LRRTM4: variants seen among roughly 807,000 people sequenced by gnomAD.
LRRTM4 encodes the protein leucine rich repeat transmembrane neuronal 4.
A neutral mutation model predicts 47.6 loss-of-function variants in LRRTM4; 25 were observed. The observed-to-expected ratio is 0.53, with a 90% CI of 0.38 to 0.73. LRRTM4 has a LOEUF of 0.73. LRRTM4 is among the 30% of genes least tolerant of loss of function. The probability of loss-of-function intolerance (pLI) is 0.00; values close to 1 mark genes in which losing one functional copy is unlikely to be tolerated. For missense variants in LRRTM4, 638 were observed against 713.4 expected (o/e 0.89, Z 1.20); for synonymous variants, 311 against 269.5 (o/e 1.15, Z -1.51).
intron 3 of LRRTM4, among the ~76,000 whole-genome samples, chr2:77,027,990 A>T (rs1678513600): frequency 6.6e-6 from 1 of 151,954 alleles, no homozygotes; most frequent in Non-Finnish European, 1.5e-5. Context: ...TTAAAAAAAA[A>T]ACTACAAACT....
chr2:76,931,923 G>A (rs1003715036), intron 3 of LRRTM4, among the ~76,000 whole-genome samples: 26 of 152,056 alleles, frequency 1.7e-4, no homozygotes, highest in African/African-American at 4.8e-4. Context: ...AGAGAAAGGA[G>A]GATGGGCAGA....
chr2:77,468,219 A>T (rs1448339406), intron 3 of LRRTM4, among the ~76,000 whole-genome samples: 2 of 152,086 alleles, frequency 1.3e-5, no homozygotes, highest in African/African-American at 4.8e-5. Context: ...AACCACATCA[A>T]TTATTTATAT....
chr2:76,855,445 A>G (rs917790107), intron 3 of LRRTM4, among the ~76,000 whole-genome samples: 9 of 152,210 alleles, frequency 5.9e-5, no homozygotes, highest in Non-Finnish European at 8.8e-5. Context: ...TTGATAAATA[A>G]TAGATTCATA....
rs1680005575 is a variant in LRRTM4, at chr2:77,067,708, CACACACACATACAT to C, written c.1552-318806_1552-318793del. Among the ~76,000 whole-genome samples, 3 of 151,466 alleles carry C rather than the reference CACACACACATACAT, an allele frequency of 2.0e-5. 1 individual carries two copies. In the South Asian group the frequency reaches 6.3e-4, roughly 32 times the overall value. On this transcript the variant is annotated intron_variant, in intron 3 of 3. Transcript: ENST00000409884. ...ACGTACACACACACACACACACACA[CACACACACATACAT>C]ATTTCAGGAAAAATGAAGAAAACGG... is the stretch of plus-strand genomic sequence containing the variant.
At chr2:76,880,958 G>A (rs1404798417) in intron 3 of LRRTM4, among the ~76,000 whole-genome samples, 2 of 152,088 alleles carry the variant, frequency 1.3e-5, no homozygotes, top group Non-Finnish European at 2.9e-5. Context: ...CAGGGAGTGG[G>A]GGATAGGGAG....
chr2:76,844,289 C>A (rs553646077), intron 3 of LRRTM4, among the ~76,000 whole-genome samples: 1 of 151,804 alleles, frequency 6.6e-6, no homozygotes, highest in African/African-American at 2.4e-5. Context: ...CGCATGCCAC[C>A]ACGCCCGGCT....
intron 3 of LRRTM4, among the ~76,000 whole-genome samples, chr2:77,473,344 A>G (rs1677262507): frequency 6.6e-6 from 1 of 152,196 alleles, no homozygotes; most frequent in Admixed American, 6.6e-5. Context: ...TTTAGGATAA[A>G]TAAGCTCATT....
intron 3 of LRRTM4, among the ~76,000 whole-genome samples, chr2:76,902,107 A>C (rs1470113983): frequency 6.6e-6 from 1 of 152,108 alleles, no homozygotes. Context: ...TAAAATGTGA[A>C]TTTTATGGAA....
intron 3 of LRRTM4, among the ~76,000 whole-genome samples, chr2:77,430,982 T>C (rs888377650): frequency 1.1e-4 from 16 of 148,654 alleles, no homozygotes; most frequent in Non-Finnish European, 2.9e-5. Context: ...TCTCCAGCCA[T>C]TGGACATCCG....
intron 3 of LRRTM4, among the ~76,000 whole-genome samples, chr2:76,927,518 C>G (rs1674625756): frequency 6.6e-6 from 1 of 152,072 alleles, no homozygotes; most frequent in South Asian, 2.1e-4. Context: ...GATGTTGGTT[C>G]TCGGAGCTAC....
intron 3 of LRRTM4, among the ~76,000 whole-genome samples, chr2:77,101,844 A>G (rs536184302): frequency 6.6e-6 from 1 of 152,152 alleles, no homozygotes; most frequent in Non-Finnish European, 1.5e-5. Context: ...AGTTTGTTTA[A>G]TCATGTTGCT....
intron 3 of LRRTM4, among the ~76,000 whole-genome samples, chr2:77,363,288 C>A (rs1672311185): frequency 6.6e-6 from 1 of 151,846 alleles, no homozygotes; most frequent in Non-Finnish European, 1.5e-5. Context: ...TATTTTCAGT[C>A]CTTGGAATTG....
At chr2:77,387,476 G>T (rs1229846568) in intron 3 of LRRTM4, among the ~76,000 whole-genome samples, 2 of 152,042 alleles carry the variant, frequency 1.3e-5, no homozygotes, top group Non-Finnish European at 2.9e-5. Flanking sequence ...ACAAGGCTGG[G>T]GTTTCTTACA....
chr2:76,794,073 A>G (rs1398332211), intron 3 of LRRTM4, among the ~76,000 whole-genome samples: 12 of 152,192 alleles, frequency 7.9e-5, no homozygotes, highest in African/African-American at 2.2e-4. Context: ...GAATTGTAAA[A>G]GCGGTTGTCA....
At chr2:77,261,653 C>T (rs1173983252) in intron 3 of LRRTM4, among the ~76,000 whole-genome samples, 1 of 151,860 alleles carries the variant, frequency 6.6e-6, no homozygotes, top group African/African-American at 2.4e-5. Flanking sequence ...TAACAGGATG[C>T]CTAACAGCAT....
Position 77,519,239 on chromosome 2 carries a change from G to A in LRRTM4, c.630C>T (p.Leu210=), listed in dbSNP as rs756084587. The part of the protein sequence containing the change: ...AFAGLLKLKE[L]HLEHNQFSKI... ...TGGAAAACTGGTTGTGCTCCAGGTG[G>A]AGCTCCTTTAACTTCAAGAGGCCAG... The change falls in exon 3 of 4, where the codon CTC becomes CTT. Residue 210 remains leucine (L), a synonymous_variant. Transcript: ENST00000409884. This position sits in a 1 kb window ranked among gnomAD's most constrained non-coding sequence, Gnocchi z 4.6. 7 of 1,613,204 alleles carry A rather than the reference G, an allele frequency of 4.3e-6. No individual in the cohort carries two copies. In the East Asian group the frequency reaches 1.6e-4, roughly 36 times the overall value.
chr2:76,840,332 G>C (rs1027474439), intron 3 of LRRTM4, among the ~76,000 whole-genome samples: 3 of 152,188 alleles, frequency 2.0e-5, no homozygotes, highest in African/African-American at 7.2e-5. Flanking sequence ...CATCCTCTCA[G>C]GAGCTGTCTT....
intron 3 of LRRTM4, among the ~76,000 whole-genome samples, chr2:76,964,129 C>T (rs1675948378): frequency 6.6e-6 from 1 of 150,914 alleles, no homozygotes; most frequent in Admixed American, 6.6e-5. Context: ...TGAGCCTAAA[C>T]CCCTATGAGC....
chr2:77,260,124 G>A (rs1573158584), intron 3 of LRRTM4, among the ~76,000 whole-genome samples: 1 of 151,940 alleles, frequency 6.6e-6, no homozygotes, highest in South Asian at 2.1e-4. Context: ...ATTATAGAAG[G>A]TCTTTACTAG....
Sources: gnomAD v4.1 joint callset for allele counts (sites outside exome capture counted in the v4.1 genomes callset) on GRCh38, gnomAD v4.1.1 for gene constraint, Gnocchi (gnomAD v3.1) non-coding constraint, MANE v1.5 for transcripts, NCBI Gene and HGNC (gene_info 2026-07-23, HGNC 2026-07-21) for gene names.